Variants in G3BP2 observed in about 807,000 individuals in gnomAD.
G3BP2 encodes the protein G3BP stress granule assembly factor 2, also known as ras GTPase-activating protein-binding protein 2.
A neutral mutation model predicts 56.7 loss-of-function variants in G3BP2; 11 were observed. That is an observed-to-expected ratio of 0.19 (90% CI 0.12 to 0.32). The LOEUF (loss-of-function observed/expected upper bound fraction) is 0.32, where lower values mean the gene tolerates loss of function less well. Ranked by LOEUF, G3BP2 falls within the 10% of genes least tolerant of loss-of-function variation. The probability of loss-of-function intolerance (pLI) is 1.00; values close to 1 mark genes in which losing one functional copy is unlikely to be tolerated. For missense variants in G3BP2, 340 were observed against 610.9 expected (o/e 0.56, Z 4.67); for synonymous variants, 165 against 191.6 (o/e 0.86, Z 1.15).
At chr4:75,648,593 G>T in intron 9 of G3BP2, 46 bp downstream of exon 9, 2 of 983,512 alleles carry the variant, frequency 2.0e-6, no homozygotes, top group Non-Finnish European at 3.3e-6. Flanking sequence ...GTCTTTTACA[G>T]CCTTACAAAT....
At chr4:75,694,851 T>TGC in intron 3 of G3BP2, 1 of 985,542 alleles carries the variant, frequency 1.0e-6, no homozygotes, top group South Asian at 4.7e-5. Flanking sequence ...GGCTAAAGAC[T>TGC]GCGACATCAC....
chr4:75,672,183 G>A (rs1427485219), intron 1 of G3BP2, among the ~76,000 whole-genome samples: 1 of 152,018 alleles, frequency 6.6e-6, no homozygotes, highest in Non-Finnish European at 1.5e-5. Context: ...TTGTTATGAA[G>A]GAAAAGGCAC....
intron 8 of G3BP2, among the ~76,000 whole-genome samples, chr4:75,652,182 T>C (rs1282361640): frequency 3.3e-5 from 5 of 152,210 alleles, no homozygotes; most frequent in African/African-American, 1.2e-4. Context: ...TTTGAAAATA[T>C]ATTTAAGGCA....
At chr4:75,673,762 TG>T, upstream of G3BP2, 1 of 455,556 alleles carries the variant, frequency 2.2e-6, no homozygotes, top group Non-Finnish European at 3.5e-6. Flanking sequence ...ACTGATATTC[TG>T]GTCCTTTTTA....
At chr4:75,688,271 G>C (rs1718703703) in intron 3 of G3BP2, among the ~76,000 whole-genome samples, 1 of 152,012 alleles carries the variant, frequency 6.6e-6, no homozygotes, top group Admixed American at 6.5e-5. Context: ...TCAAACTCGT[G>C]GTCTCAAGTG....
intron 3 of G3BP2, among the ~76,000 whole-genome samples, chr4:75,710,289 T>C (rs1719707464): frequency 6.6e-6 from 1 of 152,106 alleles, no homozygotes; most frequent in Non-Finnish European, 1.5e-5. Context: ...GATGACGACA[T>C]GAGAAACCAA....
upstream of G3BP2, among the ~76,000 whole-genome samples, chr4:75,674,716 ATATTTTTTTTTTTTT>A (rs1445817747): frequency 3.8e-5 from 2 of 53,082 alleles, no homozygotes; most frequent in South Asian, 5.5e-4. Flanking sequence ...ATATATATAT[ATATTTTTTTTTTTTT>A]TTTTTTTTTA....
chr4:75,654,628 T>C (rs1169049781), intron 7 of G3BP2, among the ~76,000 whole-genome samples: 1 of 152,234 alleles, frequency 6.6e-6, no homozygotes, highest in Non-Finnish European at 1.5e-5. Context: ...CTTTCCAAGA[T>C]AGTTTAATTG....
chr4:75,667,303 A>AAC (rs1393871321), intron 1 of G3BP2, among the ~76,000 whole-genome samples: 5 of 151,816 alleles, frequency 3.3e-5, no homozygotes, highest in African/African-American at 1.2e-4. Context: ...AAAAAAAAAA[A>AAC]AAGATAGCCA....
At chr4:75,711,189 G>A (rs1719741846) in intron 3 of G3BP2, among the ~76,000 whole-genome samples, 1 of 151,350 alleles carries the variant, frequency 6.6e-6, no homozygotes, top group Admixed American at 6.6e-5. Flanking sequence ...CATGATGGCG[G>A]GTGCCTGTAA....
At position 75,659,793 on chromosome 4, in the gene G3BP2, A is replaced by G. The variant is rs1282112474; in HGVS notation, c.96-869T>C. Among the ~76,000 whole-genome samples, 4 of 152,222 alleles carry G rather than the reference A, an allele frequency of 2.6e-5. No homozygotes were observed. The East Asian group carries it at 5.8e-4, about 22-fold the overall frequency. ...ATACCTATCAAGTGGGGCACCCAAG[A>G]TAAGAACCTAGTCAGTCTAACTTGA... is the stretch of plus-strand genomic sequence containing the variant. On this transcript the variant is annotated intron_variant, in intron 2 of 11. Transcript: ENST00000359707.
At chr4:75,684,375 G>A (rs1023526696) in intron 3 of G3BP2, among the ~76,000 whole-genome samples, 6 of 151,644 alleles carry the variant, frequency 4.0e-5, no homozygotes, top group African/African-American at 1.5e-4. Flanking sequence ...ACTGCACTCT[G>A]GCCTGGGCGA....
chr4:75,648,798 C>T (rs1731441545), intron 8 of G3BP2, 57 bp from the exon 9 acceptor site: 2 of 1,001,362 alleles, frequency 2.0e-6, no homozygotes, highest in Admixed American at 3.9e-5. Flanking sequence ...GAAAAACCAA[C>T]CAAAGCACCT....
rs1461632409 is a variant in G3BP2 at position 75,643,663 on chromosome 4, G to T, written c.*1767C>A. ...AACAAAATACATGCATCATTTGCTA[G>T]TTTACTAAATAGCAAACAGTTGCAT... On this transcript the variant is annotated 3_prime_UTR_variant, in exon 12 of 12. Coordinates refer to ENST00000359707, the MANE Select transcript of G3BP2 (RefSeq NM_203505.3). The T allele has an allele frequency of 6.6e-6, 1 of 152,500 alleles. No homozygotes were observed. The highest frequency in any genetic ancestry group is 6.5e-5 in the Admixed American group (1 of 15,268). The allele number at this position is 152,500 out of a possible 1,614,324, so 9.4% of individuals were successfully genotyped here. A position where few individuals can be genotyped will look rare whatever the true frequency, so the allele number is the denominator to read the frequency against.
intron 3 of G3BP2, among the ~76,000 whole-genome samples, chr4:75,719,563 C>A (rs542373833): frequency 2.7e-4 from 41 of 152,052 alleles, no homozygotes; most frequent in African/African-American, 8.9e-4. Context: ...GCATGTGAGA[C>A]ACCTCAACTA....
chr4:75,665,748 G>T (rs575231046), intron 1 of G3BP2, among the ~76,000 whole-genome samples: 1 of 151,504 alleles, frequency 6.6e-6, no homozygotes, highest in African/African-American at 2.4e-5. Flanking sequence ...AGACTTACCT[G>T]GTAAAATTTA....
In G3BP2 at chr4:75,642,996, G is replaced by A. The variant is rs1322327072; in HGVS notation, c.*2434C>T. The A allele has an allele frequency of 6.6e-6, 1 of 152,398 alleles. No individual in the cohort carries two copies. 9.4% of individuals were successfully genotyped at this position (152,398 alleles called of 1,614,324 possible). ...AATTTGGTTGCAATAGTGTCATAAG[G>A]ATAGAATATTACCATCAAAAAATAA... is the stretch of plus-strand genomic sequence containing the variant. On this transcript the variant is annotated 3_prime_UTR_variant, in exon 12 of 12. Transcript: ENST00000359707.
At chr4:75,712,394 A>T (rs1719791588) in intron 3 of G3BP2, among the ~76,000 whole-genome samples, 1 of 152,176 alleles carries the variant, frequency 6.6e-6, no homozygotes, top group African/African-American at 2.4e-5. Context: ...CATCATACTC[A>T]ATGTAAAATT....
intron 1 of G3BP2, among the ~76,000 whole-genome samples, chr4:75,666,962 T>A (rs1733088413): frequency 6.6e-6 from 1 of 152,064 alleles, no homozygotes; most frequent in Admixed American, 6.6e-5. Context: ...AAATCCCCGG[T>A]CAAGCCTACA....
Sources: gnomAD v4.1 joint callset for allele counts (sites outside exome capture counted in the v4.1 genomes callset) on GRCh38, gnomAD v4.1.1 for gene constraint, MANE v1.5 for transcripts, NCBI Gene and HGNC (gene_info 2026-07-23, HGNC 2026-07-21) for gene names.